The following NHS variants were observed in gnomAD, a reference collection of about 807,000 sequenced individuals.
The protein encoded by NHS is NHS actin remodeling regulator.
NHS carries 5 observed loss-of-function variants against 72.5 expected under a neutral mutation model. The ratio of observed to expected loss-of-function variants is 0.07; its 90% confidence interval spans 0.04 to 0.14. The LOEUF (loss-of-function observed/expected upper bound fraction) is 0.14, where lower values mean the gene tolerates loss of function less well. NHS is among the 10% of genes least tolerant of loss of function. NHS has a pLI of 1.00. For synonymous variants in NHS, 464 were observed against 547.7 expected, an observed-to-expected ratio of 0.85 and a Z score of 2.13; for missense variants, 1,072 against 1,355.7, an observed-to-expected ratio of 0.79 and a Z score of 3.29.
intron 1 of NHS, among the ~76,000 whole-genome samples, chrX:17,394,635 T>G (rs1269737365): frequency 9.0e-6 from 1 of 111,529 alleles, no homozygotes; most frequent in African/African-American, 3.3e-5. Flanking sequence ...TAACTCTTGT[T>G]TCGATCCACT....
chrX:17,488,388 G>A (rs974728819), intron 1 of NHS, among the ~76,000 whole-genome samples: 2 of 111,095 alleles, frequency 1.8e-5, no homozygotes, highest in African/African-American at 6.6e-5. Flanking sequence ...TTTTTGGTGC[G>A]GGAAGGGATG....
At chrX:17,466,788 T>C (rs1324008571) in intron 1 of NHS, among the ~76,000 whole-genome samples, 1 of 112,055 alleles carries the variant, frequency 8.9e-6, no homozygotes, top group Non-Finnish European at 1.9e-5. Context: ...TATGCCATTG[T>C]CTGTACCTTT....
At chrX:17,515,244 G>T (rs191677353) in intron 1 of NHS, among the ~76,000 whole-genome samples, 254 of 111,917 alleles carry the variant, frequency 2.3e-3, no homozygotes, top group Non-Finnish European at 3.5e-3. Flanking sequence ...TTACTGACCT[G>T]TGCTTACTAA....
At position 17,563,995 on chromosome X, in the gene NHS, A is replaced by G. The variant is rs1183454853; in HGVS notation, c.566-123747A>G. 2.7e-5 allele frequency among the ~76,000 whole-genome samples: 3 copies of G among 112,245 alleles called. No individual in the cohort carries two copies. In the East Asian group the frequency reaches 8.3e-4, roughly 31 times the overall value. ...TTCCTAAAGCTAATCTAATCTAGGTATAGTAACCAATATAACCTGGCCATT... is the reference window on the plus strand; with the variant it reads ...TTCCTAAAGCTAATCTAATCTAGGTGTAGTAACCAATATAACCTGGCCATT... On this transcript the variant is annotated intron_variant, in intron 1 of 8. Coordinates refer to ENST00000676302, the MANE Select transcript of NHS (RefSeq NM_001291867.2).
At position 17,460,712 on chromosome X, in the gene NHS, G is replaced by A. The variant is rs147148145; in HGVS notation, c.565+84390G>A. Reference sequence around the variant, plus strand: ...TATAATATGTGATCTTTTGTGACTGGCTTCTTTCACTGAGAGTAATGTTTC... The same window carrying A: ...TATAATATGTGATCTTTTGTGACTGACTTCTTTCACTGAGAGTAATGTTTC... On this transcript the variant is annotated intron_variant, in intron 1 of 8. Coordinates refer to ENST00000676302, the MANE Select transcript of NHS (RefSeq NM_001291867.2). Among the ~76,000 whole-genome samples the A allele has an allele frequency of 9.1e-3, 1,017 of 112,088 alleles. 16 individuals carry two copies. The highest frequency in any genetic ancestry group is 0.031 in the African/African-American group (959 of 30,833).
intron 1 of NHS, among the ~76,000 whole-genome samples, chrX:17,566,793 G>A (rs916647643): frequency 9.1e-6 from 1 of 110,419 alleles, no homozygotes; most frequent in African/African-American, 3.3e-5. Flanking sequence ...AGGAAACTGA[G>A]AATTCCTTCT....
chrX:17,562,600 A>G (rs951048012), intron 1 of NHS, among the ~76,000 whole-genome samples: 2 of 111,359 alleles, frequency 1.8e-5, no homozygotes, highest in Non-Finnish European at 3.8e-5. Flanking sequence ...GGGTATGTAG[A>G]TTGTTGGGGA....
chrX:17,546,037 T>C (rs773324504), intron 1 of NHS, among the ~76,000 whole-genome samples: 4 of 111,848 alleles, frequency 3.6e-5, no homozygotes, highest in Non-Finnish European at 7.5e-5. Flanking sequence ...GGATTAAGGT[T>C]ATGAGAACTT....
intron 3 of NHS, among the ~76,000 whole-genome samples, chrX:17,692,899 A>G (rs2071849): frequency 0.26 from 29,057 of 110,209 alleles, 7,463 homozygotes; most frequent in African/African-American, 0.79. Context: ...GCTTAGCCCA[A>G]TGACTGACTG....
chrX:17,377,823 C>T (rs989468419), intron 1 of NHS, among the ~76,000 whole-genome samples: 9 of 112,913 alleles, frequency 8.0e-5, no homozygotes, highest in Non-Finnish European at 1.5e-4. Flanking sequence ...AGGGCAATTC[C>T]GGGGATGAGT....
chrX:17,510,162 CTCTT>C (rs755331083), intron 1 of NHS, among the ~76,000 whole-genome samples: 1 of 112,700 alleles, frequency 8.9e-6, no homozygotes, highest in East Asian at 2.8e-4. Flanking sequence ...TTTTCAGTGT[CTCTT>C]TCTATTTCCC....
intron 1 of NHS, among the ~76,000 whole-genome samples, chrX:17,552,135 C>T (rs1284504176): frequency 5.4e-5 from 6 of 111,794 alleles, no homozygotes; most frequent in African/African-American, 1.6e-4. Flanking sequence ...GATCACACTA[C>T]CTCCATGGCT....
At chrX:17,502,713 C>T (rs1200367979) in intron 1 of NHS, among the ~76,000 whole-genome samples, 1 of 44,881 alleles carries the variant, frequency 2.2e-5, no homozygotes, top group Admixed American at 2.2e-4. Context: ...GGCGTGAACC[C>T]GGGAGGCGGA....
At chrX:17,659,852 G>C (rs1466768533) in intron 1 of NHS, among the ~76,000 whole-genome samples, 1 of 111,943 alleles carries the variant, frequency 8.9e-6, no homozygotes, top group East Asian at 2.8e-4. Flanking sequence ...CTGAGGCACA[G>C]AGAGAATAAA....
chrX:17,442,837 C>T (rs1246168727), intron 1 of NHS, among the ~76,000 whole-genome samples: 2 of 112,253 alleles, frequency 1.8e-5, no homozygotes, highest in Non-Finnish European at 3.8e-5. Context: ...AGTAGTTATT[C>T]CCGTGTTTTC....
At chrX:17,470,604 C>T (rs1405162549) in intron 1 of NHS, among the ~76,000 whole-genome samples, 1 of 111,696 alleles carries the variant, frequency 9.0e-6, no homozygotes, top group Non-Finnish European at 1.9e-5. Flanking sequence ...TCTCTCTGCC[C>T]AGGTCTCTTT....
intron 1 of NHS, among the ~76,000 whole-genome samples, chrX:17,519,644 T>C (rs192286346): frequency 1.2e-3 from 134 of 111,357 alleles, no homozygotes; most frequent in African/African-American, 4.3e-3. Context: ...ACATGAAACA[T>C]GGGAAGTGCC....
At chrX:17,430,113 TC>T (rs1176179639) in intron 1 of NHS, among the ~76,000 whole-genome samples, 1 of 98,711 alleles carries the variant, frequency 1.0e-5, no homozygotes, top group Non-Finnish European at 2.0e-5. Context: ...CTTCCTTCCT[TC>T]CTTTCCTCCA....
intron 1 of NHS, among the ~76,000 whole-genome samples, chrX:17,389,130 T>TA (rs2064426667): frequency 8.9e-6 from 1 of 112,250 alleles, no homozygotes; most frequent in South Asian, 3.7e-4. Context: ...ATACTCTTTT[T>TA]AAAAAATCAA....
Sources: allele counts gnomAD v4.1 joint callset (sites outside exome capture counted in the v4.1 genomes callset), GRCh38; gene constraint gnomAD v4.1.1; transcripts MANE v1.5; gene names NCBI Gene and HGNC (gene_info 2026-07-23, HGNC 2026-07-21).